Variants in TMED10 observed in about 807,000 individuals in gnomAD.
TMED10 encodes the protein transmembrane p24 trafficking protein 10, also known as transmembrane emp24 domain-containing protein 10.
A neutral mutation model predicts 23.1 loss-of-function variants in TMED10; 7 were observed. The ratio of observed to expected loss-of-function variants is 0.30; its 90% CI spans 0.17 to 0.57. The LOEUF (loss-of-function observed/expected upper bound fraction) is 0.57, where lower values mean the gene tolerates loss of function less well. Ranked by LOEUF, TMED10 falls within the 20% of genes least tolerant of loss-of-function variation. The probability of loss-of-function intolerance (pLI) is 0.91; values close to 1 mark genes in which losing one functional copy is unlikely to be tolerated. For synonymous variants in TMED10, 113 were observed against 106.9 expected (o/e 1.06, Z -0.35); for missense variants, 162 against 274.8 (o/e 0.59, Z 2.90).
At chr14:75,175,140 G>C (rs1896287812) in intron 1 of TMED10, among the ~76,000 whole-genome samples, 1 of 151,488 alleles carries the variant, frequency 6.6e-6, no homozygotes, top group Admixed American at 6.6e-5. Context: ...TGCTTATTGT[G>C]AATGAATAAA....
intron 3 of TMED10, among the ~76,000 whole-genome samples, chr14:75,137,438 C>T (rs1391714343): frequency 2.1e-5 from 3 of 145,078 alleles, no homozygotes; most frequent in East Asian, 2.2e-4. Flanking sequence ...TTTGGGAGGC[C>T]GAGGTGGGTG....
intron 1 of TMED10, among the ~76,000 whole-genome samples, chr14:75,155,145 G>C (rs1896006948): frequency 6.6e-6 from 1 of 152,090 alleles, no homozygotes; most frequent in Non-Finnish European, 1.5e-5. Flanking sequence ...TTTTAGTAGA[G>C]ATGGGGTTTC....
intron 3 of TMED10, among the ~76,000 whole-genome samples, chr14:75,146,223 C>T (rs757441078): frequency 7.2e-5 from 11 of 152,176 alleles, no homozygotes; most frequent in African/African-American, 1.2e-4. Flanking sequence ...CTCTAAATAA[C>T]GCTACCTAGT....
At chr14:75,139,874 C>T (rs1019443697) in intron 3 of TMED10, among the ~76,000 whole-genome samples, 54 of 152,028 alleles carry the variant, frequency 3.6e-4, no homozygotes, top group African/African-American at 1.3e-3. Context: ...ACCATGGATA[C>T]TCAATAGTAA....
chr14:75,167,698 G>T (rs913295364), intron 1 of TMED10, among the ~76,000 whole-genome samples: 4 of 152,092 alleles, frequency 2.6e-5, no homozygotes, highest in Non-Finnish European at 5.9e-5. Flanking sequence ...CTTGGTATAA[G>T]ATCCAAATTT....
At chr14:75,146,364 G>C (rs1387963258) in intron 3 of TMED10, among the ~76,000 whole-genome samples, 1 of 152,204 alleles carries the variant, frequency 6.6e-6, no homozygotes, top group Admixed American at 6.5e-5. Flanking sequence ...TGTCCAAAGA[G>C]AGAGCAACTT....
chr14:75,172,370 C>G (rs1451976681), intron 1 of TMED10, among the ~76,000 whole-genome samples: 2 of 151,562 alleles, frequency 1.3e-5, no homozygotes, highest in Non-Finnish European at 2.9e-5. Flanking sequence ...TGCAGTGGCA[C>G]AATCATACTT....
chr14:75,140,097 C>T (rs1895803425), intron 3 of TMED10, among the ~76,000 whole-genome samples: 2 of 152,138 alleles, frequency 1.3e-5, no homozygotes, highest in South Asian at 2.1e-4. Flanking sequence ...CTCACCAGAA[C>T]CTGACCACAC....
intron 1 of TMED10, among the ~76,000 whole-genome samples, chr14:75,154,694 C>T (rs776669574): frequency 2.0e-5 from 3 of 151,968 alleles, no homozygotes; most frequent in Admixed American, 6.6e-5. Flanking sequence ...GACAGAGTCT[C>T]GCTCTGTCAC....
chr14:75,153,107 G>C (rs1895974798), intron 1 of TMED10, among the ~76,000 whole-genome samples: 1 of 151,888 alleles, frequency 6.6e-6, no homozygotes, highest in Non-Finnish European at 1.5e-5. Flanking sequence ...AGATGACAGA[G>C]TGAGATTCTG....
rs1895917976 is a variant in TMED10 at position 75,148,667 on chromosome 14, A to G, written c.338-930T>C. On this transcript the variant is annotated intron_variant, in intron 2 of 4. Transcript: ENST00000303575. ...TGCCACTGAAGCACTGGGGTTCCTG[A>G]AACCATAAGCCACACTGAATGGTAC... Among the ~76,000 whole-genome samples, 3 of 152,346 alleles carry G rather than the reference A, an allele frequency of 2.0e-5. No homozygotes were observed. The South Asian group carries it at 6.2e-4, about 32-fold the overall frequency.
At position 75,176,430 on chromosome 14, in the gene TMED10, C is replaced by T. The variant is rs776899099; in HGVS notation, c.150G>A (p.Lys50=). The part of the protein sequence containing the change: ...SRKCLREEIH[K]DLLVTGAYEI... Reference sequence around the variant, plus strand: ...CGTACGCGCCAGTCACTAGCAGGTCCTTGTGAATCTCCTCACGGAGGCACT... The same window carrying T: ...CGTACGCGCCAGTCACTAGCAGGTCTTTGTGAATCTCCTCACGGAGGCACT... The change falls in exon 1 of 5, where the codon AAG becomes AAA. Residue 50 remains lysine (K), a synonymous_variant. Transcript: ENST00000303575. The T allele has an allele frequency of 1.2e-6, 2 of 1,614,108 alleles. No individual in the cohort carries two copies. Among genetic ancestry groups the T allele is most frequent in the Non-Finnish European group, 1.7e-6 (2 of 1,180,042 alleles).
intron 3 of TMED10, among the ~76,000 whole-genome samples, chr14:75,137,212 A>G (rs1258885875): frequency 1.3e-5 from 2 of 150,830 alleles, no homozygotes; most frequent in Non-Finnish European, 3.0e-5. Context: ...GGGTTTCACC[A>G]TGTTGGTCAG....
chr14:75,144,271 A>C (rs1188170099), intron 3 of TMED10, among the ~76,000 whole-genome samples: 1 of 152,228 alleles, frequency 6.6e-6, no homozygotes, highest in Non-Finnish European at 1.5e-5. Context: ...ACTAAAAAGA[A>C]GTGGCTCGGT....
intron 1 of TMED10, among the ~76,000 whole-genome samples, chr14:75,166,114 C>T (rs1053297872): frequency 1.3e-5 from 2 of 151,994 alleles, no homozygotes; most frequent in African/African-American, 2.4e-5. Flanking sequence ...TCATACTGTT[C>T]CAAAGTTATT....
intron 1 of TMED10, among the ~76,000 whole-genome samples, chr14:75,157,642 C>T (rs1566673448): frequency 6.6e-6 from 1 of 151,112 alleles, no homozygotes; most frequent in African/African-American, 2.4e-5. Flanking sequence ...AGAGTGAGAA[C>T]ATGTCTCAAT....
At chr14:75,151,949 C>T in intron 2 of TMED10, 83 bp downstream of exon 2, 1 of 1,160,592 alleles carries the variant, frequency 8.6e-7, no homozygotes, top group Non-Finnish European at 1.2e-6. Context: ...ACAAATGAAA[C>T]TAGATATTAA....
chr14:75,176,221 C>A (rs943154676), intron 1 of TMED10, 134 bp downstream of exon 1: 3 of 1,134,102 alleles, frequency 2.6e-6, no homozygotes, highest in Non-Finnish European at 3.7e-6. Context: ...GCGGGCTCCA[C>A]CGCACGTCCT....
intron 3 of TMED10, 58 bp from the exon 4 acceptor site, chr14:75,135,944 A>G: frequency 1.9e-6 from 3 of 1,594,584 alleles, no homozygotes; most frequent in Admixed American, 1.8e-5. Flanking sequence ...TCAAGAACAT[A>G]AAGAAGGCAA....
Sources: allele counts gnomAD v4.1 joint callset (sites outside exome capture counted in the v4.1 genomes callset), GRCh38; gene constraint gnomAD v4.1.1; transcripts MANE v1.5; gene names NCBI Gene and HGNC (gene_info 2026-07-23, HGNC 2026-07-21).